Variants in ZNF26 observed in about 807,000 individuals in gnomAD.
ZNF26 encodes the protein epididymis luminal protein 179.
Under a neutral mutation model 54.9 loss-of-function variants are expected in ZNF26, and 32 were observed. The observed-to-expected ratio is 0.58, with a 90% confidence interval of 0.44 to 0.78. The LOEUF is 0.78. ZNF26 is among the 30% of genes least tolerant of loss of function. The pLI is 0.00. For synonymous variants in ZNF26, 221 were observed against 209.2 expected (o/e 1.06, Z -0.49); for missense variants, 524 against 634.0 (o/e 0.83, Z 1.86).
Position 133,012,737 on chromosome 12 carries a change from C to T in ZNF26, c.*1256C>T, listed in dbSNP as rs1340543304. 1 of 151,700 alleles carries T rather than the reference C, an allele frequency of 6.6e-6. No homozygotes were observed. The highest frequency in any genetic ancestry group is 1.9e-4 in the East Asian group (1 of 5,166). 9.4% of individuals were successfully genotyped at this position (151,700 alleles called of 1,614,324 possible). A position where few individuals can be genotyped will look rare whatever the true frequency, so the allele number is the denominator to read the frequency against. ...CCTCCCAAGTGGCTAGGATTACATG[C>T]CTGGCTAATATTTGTATTTTTAGTA... On this transcript the variant is annotated 3_prime_UTR_variant, in exon 4 of 4. Transcript: ENST00000328654.
At chr12:132,994,175 CAT>C (rs1953024354) in intron 1 of ZNF26, among the ~76,000 whole-genome samples, 2 of 152,206 alleles carry the variant, frequency 1.3e-5, no homozygotes, top group Non-Finnish European at 2.9e-5. Flanking sequence ...TAACTTCAAA[CAT>C]GTACACACCT....
In ZNF26 at chr12:133,001,709, AG is replaced by A; in HGVS notation, c.34-5330del. ...AATCTTCTGGGTGTTCCTTGGGCCC[AG>A]GGAAACAGTGCCCTGCCTGAGGTGA... On this transcript the variant is annotated intron_variant, in intron 1 of 3. Coordinates refer to ENST00000328654, the MANE Select transcript of ZNF26 (RefSeq NM_019591.4). This position sits in a 1 kb window ranked among gnomAD's most constrained non-coding sequence, Gnocchi z 4.7. The A allele has an allele frequency of 7.8e-7, 1 of 1,289,112 alleles. No individual in the cohort carries two copies. The highest frequency in any genetic ancestry group is 1.5e-5 in the African/African-American group (1 of 65,978). The allele number at this position is 1,289,112 out of a possible 1,614,324, so 79.9% of individuals were successfully genotyped here.
Position 133,007,207 on chromosome 12 carries a change from T to C in ZNF26, c.160+39T>C. Reference sequence around the variant, plus strand: ...CTCAATGTTACTCAGATAGTGAATATTAAATTGCCATCCCTTTTTTTGTTG... The same window carrying C: ...CTCAATGTTACTCAGATAGTGAATACTAAATTGCCATCCCTTTTTTTGTTG... On this transcript the variant is annotated intron_variant, in intron 2 of 3. Coordinates refer to ENST00000328654, the MANE Select transcript of ZNF26 (RefSeq NM_019591.4). The C allele has an allele frequency of 6.9e-6, 11 of 1,601,182 alleles. No individual in the cohort carries two copies. In the South Asian group the frequency reaches 1.2e-4, roughly 18 times the overall value.
At chr12:132,997,083 G>A (rs1210522884) in intron 1 of ZNF26, among the ~76,000 whole-genome samples, 1 of 152,206 alleles carries the variant, frequency 6.6e-6, no homozygotes, top group Non-Finnish European at 1.5e-5. Flanking sequence ...GACAGTTGAA[G>A]TACAGTTACA....
chr12:132,989,253 G>A (rs1305105434), intron 1 of ZNF26, among the ~76,000 whole-genome samples: 2 of 151,942 alleles, frequency 1.3e-5, no homozygotes, highest in Non-Finnish European at 2.9e-5. Context: ...TAGCAGGATG[G>A]TCTCGATCTC....
chr12:133,002,137 C>T (rs1422345531), intron 1 of ZNF26, among the ~76,000 whole-genome samples: 1 of 152,172 alleles, frequency 6.6e-6, no homozygotes, highest in African/African-American at 2.4e-5. Flanking sequence ...TATTCACTAT[C>T]TTCTTTCTCC....
Position 133,011,591 on chromosome 12 carries a change from G to C in ZNF26, c.*110G>C. On this transcript the variant is annotated 3_prime_UTR_variant, in exon 4 of 4. Coordinates refer to ENST00000328654, the MANE Select transcript of ZNF26 (RefSeq NM_019591.4). ...AATTACACTCATGTCAAAAATCAGA[G>C]AGGAGAGAGACCAACCATATTTGGG... The C allele has an allele frequency of 8.7e-7, 1 of 1,151,892 alleles. No individual in the cohort carries two copies. Among genetic ancestry groups the C allele is most frequent in the Non-Finnish European group, 1.2e-6 (1 of 851,578 alleles). The allele number at this position is 1,151,892 out of a possible 1,614,324, so 71.4% of individuals were successfully genotyped here. A position where few individuals can be genotyped will look rare whatever the true frequency, so the allele number is the denominator to read the frequency against.
intron 1 of ZNF26, among the ~76,000 whole-genome samples, chr12:133,000,280 T>A (rs1393657382): frequency 6.6e-6 from 1 of 151,902 alleles, no homozygotes; most frequent in Non-Finnish European, 1.5e-5. Flanking sequence ...TGAGTTAGAG[T>A]CTTGCTCTGT....
At position 133,014,069 on chromosome 12, in the gene ZNF26, T is replaced by C. The variant is rs1418298750; in HGVS notation, c.*2588T>C. 6.6e-6 allele frequency: 1 copy of C among 152,236 alleles called. No homozygotes were observed. The highest frequency in any genetic ancestry group is 2.4e-5 in the African/African-American group (1 of 41,462). 9.4% of individuals were successfully genotyped at this position (152,236 alleles called of 1,614,324 possible). On this transcript the variant is annotated 3_prime_UTR_variant, in exon 4 of 4. Transcript: ENST00000328654. Reference sequence around the variant, plus strand: ...TTGCCTTGCAGGAGGAAGCTTATTCTGCCAGTTCCCCATGGCTTATTTTTA... The same window carrying C: ...TTGCCTTGCAGGAGGAAGCTTATTCCGCCAGTTCCCCATGGCTTATTTTTA...
chr12:133,013,453 G>A lies in ZNF26; in HGVS notation c.*1972G>A, dbSNP rs1238733793. On this transcript the variant is annotated 3_prime_UTR_variant, in exon 4 of 4. Coordinates refer to ENST00000328654, the MANE Select transcript of ZNF26 (RefSeq NM_019591.4). Reference sequence around the variant, plus strand: ...TCAAAAAGTTATCCCTTGATAATTTGAATAGGAATATCTGGGAAGAACCTG... The same window carrying A: ...TCAAAAAGTTATCCCTTGATAATTTAAATAGGAATATCTGGGAAGAACCTG... 2 of 152,864 alleles carry A rather than the reference G, an allele frequency of 1.3e-5. No homozygotes were observed. The highest frequency in any genetic ancestry group is 4.8e-5 in the African/African-American group (2 of 41,476). The allele number at this position is 152,864 out of a possible 1,614,324, so 9.5% of individuals were successfully genotyped here. A position where few individuals can be genotyped will look rare whatever the true frequency, so the allele number is the denominator to read the frequency against.
chr12:132,995,653 C>T (rs1367352637), intron 1 of ZNF26, among the ~76,000 whole-genome samples: 1 of 151,962 alleles, frequency 6.6e-6, no homozygotes, highest in Non-Finnish European at 1.5e-5. Context: ...CTGAAGTTTA[C>T]TGTTGTGGTT....
At chr12:133,009,991 C>A in intron 3 of ZNF26, 145 bp from the exon 4 acceptor site, 2 of 814,498 alleles carry the variant, frequency 2.5e-6, no homozygotes, top group Non-Finnish European at 3.6e-6. Flanking sequence ...TGCCCCCATG[C>A]TTGGCCAGTA....
chr12:132,991,351 C>T (rs945248788), intron 1 of ZNF26, among the ~76,000 whole-genome samples: 15 of 151,142 alleles, frequency 9.9e-5, no homozygotes, highest in South Asian at 4.2e-4. Context: ...CAAAAGTTAG[C>T]GCCGGGCATG....
Position 133,023,609 on chromosome 12 carries a change from A to T in ZNF26, c.*12128A>T, listed in dbSNP as rs1409210869. ...ATTACAATAATCAACCATGTTTTAC[A>T]TATGTGGCAGATTTTATTTTCTGAA... On this transcript the variant is annotated 3_prime_UTR_variant, in exon 4 of 4. Transcript: ENST00000328654. 1.3e-5 allele frequency: 2 copies of T among 149,978 alleles called. No homozygotes were observed. The highest frequency in any genetic ancestry group is 4.9e-5 in the African/African-American group (2 of 40,894). The allele number at this position is 149,978 out of a possible 1,614,324, so 9.3% of individuals were successfully genotyped here.
rs1953449674 is a variant in ZNF26, at chr12:133,010,628, A to G, written c.749A>G (p.Glu250Gly). Residue 250 changes from glutamate to glycine, a missense_variant, in exon 4 of 4, where the codon GAA (glutamate) becomes GGA (glycine). Physicochemically the swap from Glu to Gly is moderately conservative, Grantham distance 98 (BLOSUM62 -2). Transcript: ENST00000328654. ...SFRSQLIVHQEIHTGGKPYGC... is the reference protein window; with the variant it reads ...SFRSQLIVHQGIHTGGKPYGC... Reference sequence around the variant, plus strand: ...AGGTCACAGCTCATTGTCCATCAGGAAATTCACACAGGAGGGAAACCCTAT... The same window carrying G: ...AGGTCACAGCTCATTGTCCATCAGGGAATTCACACAGGAGGGAAACCCTAT... 1.2e-6 allele frequency: 2 copies of G among 1,614,034 alleles called. No individual in the cohort carries two copies. Among genetic ancestry groups the G allele is most frequent in the Admixed American group, 1.7e-5 (1 of 59,988 alleles).
rs1953505751 is a variant in ZNF26 at position 133,012,604 on chromosome 12, T to TTTTTTTTTTTTC, written c.*1128_*1129insTTTTTTCTTTTT. The stretch of plus-strand genomic sequence containing the variant: ...TTTTTTTTTTTTTTTTTTTTTTTTT[T>TTTTTTTTTTTTC]TTTTTGAGACTAAGTTTCACTCTTG... On this transcript the variant is annotated 3_prime_UTR_variant, in exon 4 of 4. Coordinates refer to ENST00000328654, the MANE Select transcript of ZNF26 (RefSeq NM_019591.4). The TTTTTTTTTTTTC allele has an allele frequency of 7.3e-6, 1 of 137,892 alleles. No individual in the cohort carries two copies. Among genetic ancestry groups the TTTTTTTTTTTTC allele is most frequent in the African/African-American group, 2.8e-5 (1 of 35,620 alleles). The allele number at this position is 137,892 out of a possible 1,614,324, so 8.5% of individuals were successfully genotyped here. A position where few individuals can be genotyped will look rare whatever the true frequency, so the allele number is the denominator to read the frequency against.
Position 133,025,799 on chromosome 12 carries a change from T to A in ZNF26, c.*14318T>A, listed in dbSNP as rs996758885. 1 of 152,102 alleles carries A rather than the reference T, an allele frequency of 6.6e-6. No individual in the cohort carries two copies. Among genetic ancestry groups the A allele is most frequent in the Non-Finnish European group, 1.5e-5 (1 of 68,036 alleles). The allele number at this position is 152,102 out of a possible 1,614,324, so 9.4% of individuals were successfully genotyped here. On this transcript the variant is annotated 3_prime_UTR_variant, in exon 4 of 4. Coordinates refer to ENST00000328654, the MANE Select transcript of ZNF26 (RefSeq NM_019591.4). ...TCTATTTAAGAAAGAAAAAAAAGAA[T>A]GCAGCAGAGATGAAGCTGTGTAACT... is the stretch of plus-strand genomic sequence containing the variant.
intron 1 of ZNF26, among the ~76,000 whole-genome samples, chr12:132,990,087 C>T (rs1318735814): frequency 1.3e-5 from 2 of 151,974 alleles, no homozygotes; most frequent in African/African-American, 4.8e-5. Context: ...AATTCAGGAC[C>T]AGCCTGGGCA....
At chr12:133,000,013 C>G (rs77234214) in intron 1 of ZNF26, among the ~76,000 whole-genome samples, 2,480 of 152,120 alleles carry the variant, frequency 0.016, 76 homozygotes, top group African/African-American at 0.056. Flanking sequence ...ATGCCTTTAC[C>G]TCATTTTTCT....
Sources: allele counts gnomAD v4.1 joint callset (sites outside exome capture counted in the v4.1 genomes callset), GRCh38; gene constraint gnomAD v4.1.1; non-coding constraint Gnocchi (gnomAD v3.1); transcripts MANE v1.5; gene names NCBI Gene and HGNC (gene_info 2026-07-23, HGNC 2026-07-21).